Variants in NAALADL2 observed in about 807,000 individuals in gnomAD.
The protein encoded by NAALADL2 is N-acetylated alpha-linked acidic dipeptidase like 2.
NAALADL2 carries 76 observed loss-of-function variants against 87.2 expected under a neutral mutation model. That is an observed-to-expected ratio of 0.87 (90% CI 0.72 to 1.05). The LOEUF is 1.05. Ranked by LOEUF, NAALADL2 falls within the 50% of genes least tolerant of loss-of-function variation. The pLI is 0.00. For missense variants in NAALADL2, 1,089 were observed against 945.8 expected (o/e 1.15, Z -1.99); for synonymous variants, 354 against 331.0 (o/e 1.07, Z -0.75).
intron 11 of NAALADL2, among the ~76,000 whole-genome samples, chr3:175,638,611 G>A (rs1240377655): frequency 6.6e-6 from 1 of 152,160 alleles, no homozygotes; most frequent in Non-Finnish European, 1.5e-5. Context: ...GATTGCACAG[G>A]TATAGCTTCT....
intron 2 of NAALADL2, among the ~76,000 whole-genome samples, chr3:174,583,847 A>G (rs1249483516): frequency 6.6e-6 from 1 of 152,170 alleles, no homozygotes; most frequent in African/African-American, 2.4e-5. Context: ...ATAATTTTCC[A>G]TATGTTTTAG....
chr3:175,421,973 T>C (rs1195614548), intron 5 of NAALADL2, among the ~76,000 whole-genome samples: 1 of 151,748 alleles, frequency 6.6e-6, no homozygotes, highest in Non-Finnish European at 1.5e-5. Flanking sequence ...AATAGCAAAA[T>C]ATCAAATAGG....
intron 1 of NAALADL2, among the ~76,000 whole-genome samples, chr3:175,055,431 T>A (rs1711929420): frequency 6.6e-6 from 1 of 152,222 alleles, no homozygotes; most frequent in African/African-American, 2.4e-5. Flanking sequence ...AGACTCCTGT[T>A]GGGACCTTTT....
chr3:175,712,539 T>A lies in NAALADL2; in HGVS notation c.1897-24767T>A, dbSNP rs569937432. Among the ~76,000 whole-genome samples, 3 of 152,070 alleles carry A rather than the reference T, an allele frequency of 2.0e-5. No homozygotes were observed. The East Asian group carries it at 5.8e-4, about 29-fold the overall frequency. On this transcript the variant is annotated intron_variant, in intron 11 of 13. Transcript: ENST00000454872. Reference sequence around the variant, plus strand: ...GAACTGCCTGAAATCCTAGTAACTGTAATAAAGGAAAAAGTACTATCCTCT... The same window carrying A: ...GAACTGCCTGAAATCCTAGTAACTGAAATAAAGGAAAAAGTACTATCCTCT...
chr3:175,373,619 T>C lies in NAALADL2; in HGVS notation c.1090+49294T>C, dbSNP rs1766765095. On this transcript the variant is annotated intron_variant, in intron 5 of 13. Coordinates refer to ENST00000454872, the MANE Select transcript of NAALADL2 (RefSeq NM_207015.3). ...GAAGCTATTATGAATCAAGGTAATA[T>C]GAATGTTCACGTACAAGCCTTTTTG... Among the ~76,000 whole-genome samples the C allele has an allele frequency of 3.9e-5, 6 of 152,236 alleles. No homozygotes were observed. In the South Asian group the frequency reaches 1.0e-3, roughly 26 times the overall value.
intron 2 of NAALADL2, among the ~76,000 whole-genome samples, chr3:175,225,945 A>C (rs1339192691): frequency 1.3e-5 from 2 of 152,140 alleles, no homozygotes; most frequent in African/African-American, 4.8e-5. Context: ...TTTCTGGCAC[A>C]GGTAATAGTA....
chr3:175,235,517 T>C (rs752958619), intron 3 of NAALADL2: 1 of 152,200 alleles, frequency 6.6e-6, no homozygotes, highest in Non-Finnish European at 1.5e-5. Context: ...CACCTGTATA[T>C]TAATAAAAAT....
intron 2 of NAALADL2, among the ~76,000 whole-genome samples, chr3:174,562,154 T>A (rs1042964288): frequency 1.3e-5 from 2 of 152,170 alleles, no homozygotes; most frequent in Non-Finnish European, 2.9e-5. Flanking sequence ...TCTTTGTAAT[T>A]TCAGTACTAT....
chr3:174,612,546 C>A (rs1720033309), intron 2 of NAALADL2, among the ~76,000 whole-genome samples: 1 of 151,940 alleles, frequency 6.6e-6, no homozygotes, highest in African/African-American at 2.4e-5. Flanking sequence ...CTAATTATTT[C>A]TTCTGCTTGA....
At chr3:175,706,341 A>G (rs764277353) in intron 11 of NAALADL2, among the ~76,000 whole-genome samples, 20 of 152,160 alleles carry the variant, frequency 1.3e-4, no homozygotes, top group Non-Finnish European at 2.4e-4. Flanking sequence ...TTCTATGCAT[A>G]CTTAGTTATG....
At chr3:175,181,739 ATATATG>A (rs374315259) in intron 2 of NAALADL2, among the ~76,000 whole-genome samples, 10 of 104,868 alleles carry the variant, frequency 9.5e-5, no homozygotes, top group East Asian at 2.7e-4. Context: ...ATATATGTGT[ATATATG>A]TATATATATG....
At chr3:174,866,570 C>T (rs1727170241) in intron 1 of NAALADL2, among the ~76,000 whole-genome samples, 1 of 151,738 alleles carries the variant, frequency 6.6e-6, no homozygotes, top group Non-Finnish European at 1.5e-5. Flanking sequence ...TATAAGCTTA[C>T]TCAATTGTCT....
At chr3:174,659,155 T>A (rs1353918393) in intron 2 of NAALADL2, among the ~76,000 whole-genome samples, 1 of 152,194 alleles carries the variant, frequency 6.6e-6, no homozygotes, top group Non-Finnish European at 1.5e-5. Flanking sequence ...ATAAGGACAA[T>A]TCCTTCATGC....
At chr3:174,947,233 C>T (rs1198210996) in intron 1 of NAALADL2, among the ~76,000 whole-genome samples, 2 of 152,068 alleles carry the variant, frequency 1.3e-5, no homozygotes, top group African/African-American at 2.4e-5. Flanking sequence ...TCAGCATTGT[C>T]TTCTTTCAAA....
intron 4 of NAALADL2, among the ~76,000 whole-genome samples, chr3:175,306,789 T>C (rs996544234): frequency 2.0e-5 from 3 of 152,196 alleles, no homozygotes; most frequent in African/African-American, 7.2e-5. Context: ...GAGGTTGCAG[T>C]GAGCCAAGGT....
At chr3:175,574,666 A>G (rs1718594433) in intron 9 of NAALADL2, among the ~76,000 whole-genome samples, 1 of 152,116 alleles carries the variant, frequency 6.6e-6, no homozygotes, top group Non-Finnish European at 1.5e-5. Context: ...TAGTAAGTCC[A>G]CTTGCTTCTG....
intron 1 of NAALADL2, among the ~76,000 whole-genome samples, chr3:175,013,142 G>GTTATATATAAATATATATACATAAATATA (rs2100109205): frequency 1.3e-4 from 9 of 71,360 alleles, no homozygotes; most frequent in South Asian, 4.1e-4. Flanking sequence ...ATATAAATAT[G>GTTATATATAAATATATATACATAAATATA]TAATACATAT....
intron 2 of NAALADL2, among the ~76,000 whole-genome samples, chr3:174,625,531 AT>A (rs1395314971): frequency 6.6e-6 from 1 of 151,900 alleles, no homozygotes; most frequent in African/African-American, 2.4e-5. Flanking sequence ...CTAAAAAAAA[AT>A]CCAAGTGATA....
chr3:175,615,982 T>C (rs1369567143), intron 10 of NAALADL2, among the ~76,000 whole-genome samples: 1 of 147,492 alleles, frequency 6.8e-6, no homozygotes, highest in East Asian at 1.9e-4. Flanking sequence ...TTATAATATA[T>C]ATTATATCAT....
Sources: gnomAD v4.1 joint callset for allele counts (sites outside exome capture counted in the v4.1 genomes callset) on GRCh38, gnomAD v4.1.1 for gene constraint, MANE v1.5 for transcripts, NCBI Gene and HGNC (gene_info 2026-07-23, HGNC 2026-07-21) for gene names.